The following SUGCT variants were observed in gnomAD, a reference collection of about 807,000 sequenced individuals.
The protein encoded by SUGCT is succinyl-CoA:glutarate-CoA transferase, also known as succinyl-CoA:glutarate CoA-transferase.
SUGCT carries 41 observed loss-of-function variants against 55.0 expected under a neutral mutation model. That is an observed-to-expected ratio of 0.74 (90% CI 0.58 to 0.97). The LOEUF (loss-of-function observed/expected upper bound fraction) is 0.97. Ranked by LOEUF, SUGCT falls within the 50% of genes least tolerant of loss-of-function variation. The probability of loss-of-function intolerance (pLI) is 0.00; values close to 1 mark genes in which losing one functional copy is unlikely to be tolerated. For missense variants in SUGCT, 568 were observed against 547.8 expected, an observed-to-expected ratio of 1.04 and a Z score of -0.37; for synonymous variants, 187 against 200.4, an observed-to-expected ratio of 0.93 and a Z score of 0.56.
intron 9 of SUGCT, among the ~76,000 whole-genome samples, chr7:40,400,926 G>A (rs1786027986): frequency 6.6e-6 from 1 of 152,074 alleles, no homozygotes; most frequent in South Asian, 2.1e-4. Context: ...TTTTGAACAA[G>A]GCCAGATGGA....
At chr7:40,334,227 T>A (rs1212778822) in intron 9 of SUGCT, among the ~76,000 whole-genome samples, 5 of 152,196 alleles carry the variant, frequency 3.3e-5, no homozygotes, top group Non-Finnish European at 5.9e-5. Context: ...GCATGTGTCT[T>A]TATAGCAGCA....
chr7:40,863,220 C>T (rs944556483), downstream of SUGCT, among the ~76,000 whole-genome samples: 9 of 152,074 alleles, frequency 5.9e-5, no homozygotes, highest in Non-Finnish European at 1.0e-4. Flanking sequence ...GGTGACAGAG[C>T]GAGACTCCAT....
chr7:40,448,930 G>A (rs1321314505), intron 9 of SUGCT, among the ~76,000 whole-genome samples: 1 of 146,044 alleles, frequency 6.8e-6, no homozygotes, highest in Non-Finnish European at 1.5e-5. Context: ...ATATATGTGT[G>A]TGTGTGTGTG....
chr7:40,205,257 C>T (rs1029096229), intron 6 of SUGCT, among the ~76,000 whole-genome samples: 2 of 149,140 alleles, frequency 1.3e-5, no homozygotes, highest in South Asian at 2.1e-4. Flanking sequence ...TCTGTCTCAA[C>T]AAAACAACAA....
chr7:40,853,830 A>G (rs1793982407), intron 13 of SUGCT, among the ~76,000 whole-genome samples: 1 of 152,258 alleles, frequency 6.6e-6, no homozygotes. Flanking sequence ...AAAAAGCCAT[A>G]GTCCACAGTC....
chr7:40,827,219 G>A (rs960267806), intron 13 of SUGCT, among the ~76,000 whole-genome samples: 2 of 152,124 alleles, frequency 1.3e-5, no homozygotes, highest in Non-Finnish European at 2.9e-5. Context: ...CAGACCGCTG[G>A]GTCAAATGAA....
At chr7:40,903,716 A>C in the SUGCT span, among the ~76,000 whole-genome samples, 1 of 152,192 alleles carries the variant, frequency 6.6e-6, no homozygotes, top group Admixed American at 6.5e-5. Flanking sequence ...TGGGCTTTCA[A>C]TGGGACCTGT....
intron 7 of SUGCT, among the ~76,000 whole-genome samples, chr7:40,249,417 T>C (rs1790205562): frequency 6.9e-6 from 1 of 145,094 alleles, no homozygotes; most frequent in Non-Finnish European, 1.5e-5. Flanking sequence ...ATATATATAA[T>C]ATAAGACTAT....
At chr7:40,624,318 A>G (rs1352992512) in intron 12 of SUGCT, among the ~76,000 whole-genome samples, 7 of 152,164 alleles carry the variant, frequency 4.6e-5, no homozygotes, top group Non-Finnish European at 1.0e-4. Context: ...TCATATCTAT[A>G]TGTTATTATT....
At chr7:40,311,370 C>T (rs1795139770) in intron 8 of SUGCT, among the ~76,000 whole-genome samples, 1 of 152,142 alleles carries the variant, frequency 6.6e-6, no homozygotes. Flanking sequence ...AATATAATTA[C>T]AAATGTGGGG....
intron 9 of SUGCT, among the ~76,000 whole-genome samples, chr7:40,407,959 T>A (rs181275924): frequency 2.3e-4 from 35 of 152,270 alleles, no homozygotes; most frequent in Admixed American, 1.6e-3. Context: ...TGAAAGGATA[T>A]TAATGGTTTA....
chr7:40,930,024 G>C, the SUGCT span, among the ~76,000 whole-genome samples: 1 of 152,074 alleles, frequency 6.6e-6, no homozygotes, highest in Non-Finnish European at 1.5e-5. Flanking sequence ...GTATTGCCTA[G>C]GTTTTCTTCT....
rs79765825 is a variant in SUGCT at position 40,635,528 on chromosome 7, T to C, written c.1090-113906T>C. Among the ~76,000 whole-genome samples the C allele has an allele frequency of 9.8e-3, 1,491 of 152,236 alleles. 32 individuals are homozygous for C. The highest frequency in any genetic ancestry group is 0.034 in the African/African-American group (1,412 of 41,528). On this transcript the variant is annotated intron_variant, in intron 12 of 13. Transcript: ENST00000335693. ...CATGAGTTATCAGCCAGAAAAAACA[T>C]TGAATGCTAATCAAATTAAATTAAC...
chr7:40,859,695 T>C (rs1231325008), intron 13 of SUGCT, among the ~76,000 whole-genome samples: 1 of 152,232 alleles, frequency 6.6e-6, no homozygotes, highest in Non-Finnish European at 1.5e-5. Flanking sequence ...ATCCAGATTA[T>C]GGTGTGAAGT....
intron 9 of SUGCT, among the ~76,000 whole-genome samples, chr7:40,346,329 CAT>C (rs1299835450): frequency 3.3e-5 from 5 of 151,632 alleles, no homozygotes; most frequent in South Asian, 2.1e-4. Flanking sequence ...TTAAATTTTT[CAT>C]AGTTTTTTCT....
intron 9 of SUGCT, among the ~76,000 whole-genome samples, chr7:40,408,426 C>T (rs1786496850): frequency 6.6e-6 from 1 of 152,130 alleles, no homozygotes; most frequent in South Asian, 2.1e-4. Context: ...TTTCTGCTTA[C>T]TTAGATGGTG....
chr7:40,384,809 T>C (rs932905447), intron 9 of SUGCT, among the ~76,000 whole-genome samples: 2 of 152,000 alleles, frequency 1.3e-5, no homozygotes, highest in Non-Finnish European at 2.9e-5. Context: ...CCTCCCAAAG[T>C]GCTAAGATTA....
At chr7:40,433,703 G>C (rs983960974) in intron 9 of SUGCT, among the ~76,000 whole-genome samples, 26 of 152,092 alleles carry the variant, frequency 1.7e-4, no homozygotes, top group Admixed American at 1.5e-3. Flanking sequence ...GCTTCTTTAA[G>C]GTGTTTGGGG....
intron 11 of SUGCT, among the ~76,000 whole-genome samples, chr7:40,476,355 A>G (rs973680733): frequency 1.3e-5 from 2 of 152,284 alleles, no homozygotes; most frequent in South Asian, 4.1e-4. Flanking sequence ...CATACTCTCT[A>G]TTAAGCCATG....
Sources: allele counts gnomAD v4.1 joint callset (sites outside exome capture counted in the v4.1 genomes callset), GRCh38; gene constraint gnomAD v4.1.1; transcripts MANE v1.5; gene names NCBI Gene and HGNC (gene_info 2026-07-23, HGNC 2026-07-21).